The following RBFOX3 variants were observed in gnomAD, a reference collection of about 807,000 sequenced individuals.
RBFOX3 encodes the protein RNA binding fox-1 homolog 3, also known as RNA binding protein fox-1 homolog 3.
Under a neutral mutation model 48.7 loss-of-function variants are expected in RBFOX3, and 17 were observed. The observed-to-expected ratio is 0.35, with a 90% CI of 0.24 to 0.52. The LOEUF (loss-of-function observed/expected upper bound fraction) is 0.52, where lower values mean the gene tolerates loss of function less well. Among genes scored for constraint, RBFOX3 ranks in the 20% least tolerant of loss-of-function variants. RBFOX3 has a pLI of 0.94. For synonymous variants in RBFOX3, 212 were observed against 209.5 expected, an observed-to-expected ratio of 1.01 and a Z score of -0.10; for missense variants, 382 against 497.5, an observed-to-expected ratio of 0.77 and a Z score of 2.21.
At chr17:79,348,193 G>A (rs1043422398) in intron 2 of RBFOX3, among the ~76,000 whole-genome samples, 2 of 152,186 alleles carry the variant, frequency 1.3e-5, no homozygotes, top group African/African-American at 4.8e-5. Flanking sequence ...GGTCAGGTGG[G>A]CTGCACCTGT....
intron 2 of RBFOX3, among the ~76,000 whole-genome samples, chr17:79,338,597 C>A (rs1472707100): frequency 6.6e-6 from 1 of 152,180 alleles, no homozygotes; most frequent in Admixed American, 6.5e-5. Context: ...CTGTCATCTG[C>A]ATTGGTTTTC....
At chr17:79,650,453 G>A in the RBFOX3 span, among the ~76,000 whole-genome samples, 2 of 151,972 alleles carry the variant, frequency 1.3e-5, no homozygotes, top group African/African-American at 4.8e-5. Flanking sequence ...AGGCACTGGG[G>A]GTTCTCATAA....
At chr17:79,245,772 T>C (rs891252112) in intron 3 of RBFOX3, among the ~76,000 whole-genome samples, 2 of 151,880 alleles carry the variant, frequency 1.3e-5, no homozygotes, top group Non-Finnish European at 2.9e-5. Flanking sequence ...GGATTACAGA[T>C]GTACACCACC....
In RBFOX3 at chr17:79,357,802, G is replaced by GTTT. The variant is rs112789713; in HGVS notation, c.-174-49981_-174-49979dup. On this transcript the variant is annotated intron_variant, in intron 2 of 14. Coordinates refer to ENST00000693108, the MANE Select transcript of RBFOX3 (RefSeq NM_001350451.2). The stretch of plus-strand genomic sequence containing the variant: ...AGAAATATTTTGTTACCTCAAGGGT[G>GTTT]TTTTTTTTTTATTTACTGCTTTCCA... Among the ~76,000 whole-genome samples the GTTT allele has an allele frequency of 6.1e-5, 9 of 147,588 alleles. No homozygotes were observed. The East Asian group carries it at 1.2e-3, about 20-fold the overall frequency.
intron 3 of RBFOX3, among the ~76,000 whole-genome samples, chr17:79,268,417 C>G (rs556099831): frequency 6.6e-6 from 1 of 152,284 alleles, no homozygotes; most frequent in African/African-American, 2.4e-5. Context: ...ACCACAGAGG[C>G]CAAGCTCAGC....
At chr17:79,150,520 TGCCGGACACTCTACAGGTG>T (rs2044185336) in intron 4 of RBFOX3, among the ~76,000 whole-genome samples, 1 of 152,144 alleles carries the variant, frequency 6.6e-6, no homozygotes, top group Admixed American at 6.5e-5. Context: ...GCAGCTGAAC[TGCCGGACACTCTACAGGTG>T]GCCGCGCTGG....
intron 2 of RBFOX3, among the ~76,000 whole-genome samples, chr17:79,403,918 T>G (rs1320965490): frequency 6.6e-6 from 1 of 151,594 alleles, no homozygotes; most frequent in Non-Finnish European, 1.5e-5. Flanking sequence ...TAGCTGGGAC[T>G]ACAGGCGCCC....
At chr17:79,486,375 C>T (rs2079606172) in intron 1 of RBFOX3, among the ~76,000 whole-genome samples, 3 of 152,276 alleles carry the variant, frequency 2.0e-5, no homozygotes, top group South Asian at 2.1e-4. Context: ...CCTCACCATG[C>T]GCTGAGTGCA....
the RBFOX3 span, among the ~76,000 whole-genome samples, chr17:79,620,312 AAT>A: frequency 8.0e-6 from 1 of 124,272 alleles, no homozygotes; most frequent in Non-Finnish European, 1.7e-5. Flanking sequence ...CACATGCACA[AAT>A]ATGTACATAC....
chr17:79,098,022 G>A, intron 9 of RBFOX3: 2 of 462,036 alleles, frequency 4.3e-6, no homozygotes, highest in Non-Finnish European at 3.9e-6. Context: ...TCACCCCTGG[G>A]CGTCATCCCC....
intron 2 of RBFOX3, among the ~76,000 whole-genome samples, chr17:79,449,423 C>G (rs1255767991): frequency 6.6e-6 from 1 of 152,046 alleles, no homozygotes; most frequent in Non-Finnish European, 1.5e-5. Context: ...CCAGGTGAGT[C>G]TGCAAAATTT....
intron 1 of RBFOX3, among the ~76,000 whole-genome samples, chr17:79,588,677 G>A (rs1330425379): frequency 6.6e-6 from 1 of 152,044 alleles, no homozygotes; most frequent in Non-Finnish European, 1.5e-5. Flanking sequence ...TTGGACCTGG[G>A]TGATATAACG....
chr17:79,167,801 G>A (rs1365547581), intron 4 of RBFOX3, among the ~76,000 whole-genome samples: 3 of 152,338 alleles, frequency 2.0e-5, no homozygotes, highest in Middle Eastern at 3.4e-3. Context: ...CACGGGGCCT[G>A]GAGGTGCCCC....
chr17:79,394,847 G>C (rs988749192), intron 2 of RBFOX3, among the ~76,000 whole-genome samples: 1 of 152,244 alleles, frequency 6.6e-6, no homozygotes, highest in Non-Finnish European at 1.5e-5. Flanking sequence ...GAGTGACCCA[G>C]TGAGGTAGAG....
chr17:79,270,356 C>A (rs1475324287), intron 3 of RBFOX3, among the ~76,000 whole-genome samples: 1 of 152,156 alleles, frequency 6.6e-6, no homozygotes. Flanking sequence ...GATACCCAAA[C>A]CTCTAAGGCT....
rs1392375318 is a variant in RBFOX3 at position 79,393,651 on chromosome 17, T to C, written c.-174-85827A>G. Among the ~76,000 whole-genome samples the C allele has an allele frequency of 2.6e-5, 4 of 151,598 alleles. No homozygotes were observed. The East Asian group carries it at 7.8e-4, about 30-fold the overall frequency. Reference sequence around the variant, plus strand: ...CATCAATGCACATCTGAGCCGGTCATCACACACATGATCTGAGCCTGTCGC... The same window carrying C: ...CATCAATGCACATCTGAGCCGGTCACCACACACATGATCTGAGCCTGTCGC... On this transcript the variant is annotated intron_variant, in intron 2 of 14. Transcript: ENST00000693108.
At chr17:79,645,756 G>T in the RBFOX3 span, among the ~76,000 whole-genome samples, 1 of 152,224 alleles carries the variant, frequency 6.6e-6, no homozygotes, top group Non-Finnish European at 1.5e-5. Context: ...CAGGGCAGAA[G>T]GAGTGAAGCG....
chr17:79,295,419 CGAGG>C, intron 3 of RBFOX3, among the ~76,000 whole-genome samples: 1 of 152,046 alleles, frequency 6.6e-6, no homozygotes, highest in Non-Finnish European at 1.5e-5. Context: ...GGTGAGGGAG[CGAGG>C]GAGGGATGCC....
At chr17:79,258,194 G>A (rs888450378) in intron 3 of RBFOX3, among the ~76,000 whole-genome samples, 1 of 152,182 alleles carries the variant, frequency 6.6e-6, no homozygotes, top group East Asian at 1.9e-4. Flanking sequence ...CCTCCGCGGT[G>A]AATAGCTCAG....
Sources: gnomAD v4.1 joint callset for allele counts (sites outside exome capture counted in the v4.1 genomes callset) on GRCh38, gnomAD v4.1.1 for gene constraint, MANE v1.5 for transcripts, NCBI Gene and HGNC (gene_info 2026-07-23, HGNC 2026-07-21) for gene names.